ABCB10: variants seen among roughly 807,000 people sequenced by gnomAD.
The protein encoded by ABCB10 is ATP binding cassette subfamily B member 10, also known as ATP-binding cassette sub-family B member 10, mitochondrial.
ABCB10 carries 54 observed loss-of-function variants against 65.4 expected under a neutral mutation model. That is an observed-to-expected ratio of 0.83 (90% CI 0.66 to 1.04). The LOEUF (loss-of-function observed/expected upper bound fraction) is 1.04. ABCB10 is among the 50% of genes least tolerant of loss of function. The probability of loss-of-function intolerance (pLI) is 0.00; values close to 1 mark genes in which losing one functional copy is unlikely to be tolerated. For synonymous variants in ABCB10, 418 were observed against 406.5 expected (o/e 1.03, Z -0.34); for missense variants, 846 against 976.6 (o/e 0.87, Z 1.78).
At chr1:229,519,111 C>T in intron 11 of ABCB10, 1 of 368,612 alleles carries the variant, frequency 2.7e-6, no homozygotes. Flanking sequence ...GGGTTCAATG[C>T]AGGAAATAAG....
chr1:229,551,631 T>C (rs1320180641), intron 1 of ABCB10, among the ~76,000 whole-genome samples: 2 of 152,186 alleles, frequency 1.3e-5, no homozygotes, highest in Non-Finnish European at 2.9e-5. Context: ...AACTGAATAA[T>C]AGGAAGCTGG....
intron 12 of ABCB10, 106 bp downstream of exon 12, chr1:229,518,735 A>T: frequency 9.6e-7 from 1 of 1,040,740 alleles, no homozygotes; most frequent in South Asian, 1.6e-5. Flanking sequence ...GGGGGGAAAA[A>T]GGATTTTCAG....
In ABCB10 at chr1:229,518,334, T is replaced by A. The variant is rs749669414; in HGVS notation, c.2062A>T (p.Ile688Phe). The change falls in exon 13 of 13, where the codon ATT becomes TTT. Residue 688 changes from isoleucine to phenylalanine, a missense_variant. Around this residue, in one of 2 missense-constraint regions of ABCB10, gnomAD observed 632 missense variants for 803.2 expected, o/e 0.79. Coordinates refer to ENST00000344517, the MANE Select transcript of ABCB10 (RefSeq NM_012089.3). ...RLMDGRTVLV[I>F]AHRLSTIKNA... ...TTAATGGTGGACAGACGATGGGCAATAACTAACACCGTTCTTCCATCCATC... is the reference window on the plus strand; with the variant it reads ...TTAATGGTGGACAGACGATGGGCAAAAACTAACACCGTTCTTCCATCCATC... 1.2e-6 allele frequency: 2 copies of A among 1,614,194 alleles called. No homozygotes were observed. The highest frequency in any genetic ancestry group is 3.3e-5 in the Admixed American group (2 of 60,012).
intron 3 of ABCB10, 27 bp downstream of exon 3, chr1:229,547,472 G>C (rs745405155): frequency 6.2e-7 from 1 of 1,611,116 alleles, no homozygotes; most frequent in Non-Finnish European, 8.5e-7. Flanking sequence ...TGGCAGGAAG[G>C]TACCAAGGGG....
At chr1:229,548,606 G>A (rs778266443) in intron 2 of ABCB10, among the ~76,000 whole-genome samples, 8 of 151,954 alleles carry the variant, frequency 5.3e-5, no homozygotes, top group Non-Finnish European at 4.4e-5. Context: ...GGTTTCTGAA[G>A]CCTTCAGGAA....
rs60323914 is a variant in ABCB10 at position 229,550,525 on chromosome 1, C to CAA, written c.518-1093_518-1092dup. 8.6e-3 allele frequency among the ~76,000 whole-genome samples: 542 copies of CAA among 63,170 alleles called. 5 individuals carry two copies. Among genetic ancestry groups the CAA allele is most frequent in the East Asian group, 0.067 (156 of 2,312 alleles). 41.4% of individuals were successfully genotyped at this position (63,170 alleles called of 152,430 possible). The stretch of plus-strand genomic sequence containing the variant: ...GGGTGACACAGCAATATGCTGTCTC[C>CAA]AAAAAAAAAAAAAAAAAAAAAAATT... On this transcript the variant is annotated intron_variant, in intron 1 of 12. Transcript: ENST00000344517.
In ABCB10 at chr1:229,539,496, G is replaced by T; in HGVS notation, c.1299C>A (p.Ser433=). Residue 433 remains serine (S), a synonymous_variant, in exon 6 of 13, where the codon TCC becomes TCA. Transcript: ENST00000344517. ...SAHMTVGELS[S]FLMYAFWVGI... The stretch of plus-strand genomic sequence containing the variant: ...CAACCCAGAAAGCATACATTAGGAA[G>T]GAAGAGAGTTCACCCACGGTCATGT... The T allele has an allele frequency of 6.2e-7, 1 of 1,613,988 alleles. No homozygotes were observed. The highest frequency in any genetic ancestry group is 8.5e-7 in the Non-Finnish European group (1 of 1,179,888).
chr1:229,542,519 G>T, intron 3 of ABCB10, 148 bp from the exon 4 acceptor site: 2 of 963,448 alleles, frequency 2.1e-6, no homozygotes, highest in Non-Finnish European at 3.0e-6. Flanking sequence ...CTGTCCCCAA[G>T]TTGTTACATC....
intron 6 of ABCB10, among the ~76,000 whole-genome samples, chr1:229,532,918 C>T (rs1662618495): frequency 6.6e-6 from 1 of 152,182 alleles, no homozygotes; most frequent in Non-Finnish European, 1.5e-5. Context: ...AAAACTTTCA[C>T]AGTAGTAAAA....
chr1:229,530,509 C>T, intron 7 of ABCB10, 101 bp from the exon 8 acceptor site: 1 of 1,223,982 alleles, frequency 8.2e-7, no homozygotes, highest in South Asian at 1.3e-5. Context: ...GGTGACTCCA[C>T]CACAGCTAAT....
intron 11 of ABCB10, 98 bp from the exon 12 acceptor site, chr1:229,518,973 A>G (rs892969449): frequency 1.3e-5 from 13 of 963,212 alleles, no homozygotes; most frequent in Middle Eastern, 3.3e-4. Flanking sequence ...ACATGCTACA[A>G]TGTGGATGAG....
chr1:229,554,246 A>G (rs1395431766), intron 1 of ABCB10, among the ~76,000 whole-genome samples: 1 of 152,162 alleles, frequency 6.6e-6, no homozygotes, highest in East Asian at 1.9e-4. Context: ...GAGTGAGGAC[A>G]TGAGCGGCTG....
chr1:229,529,318 A>AAAAAAAG (rs1558121080), intron 8 of ABCB10, among the ~76,000 whole-genome samples: 4 of 141,096 alleles, frequency 2.8e-5, no homozygotes, highest in Non-Finnish European at 6.2e-5. Flanking sequence ...AAAAAAAAAA[A>AAAAAAAG]AAAAAAAAAA....
Position 229,531,707 on chromosome 1 carries a change from A to C in ABCB10, c.1364T>G (p.Leu455Arg). The change falls in exon 7 of 13, where the codon CTG becomes CGG. Residue 455 changes from leucine to arginine, a missense_variant. Leu to Arg is a moderately radical substitution (Grantham distance 102). This residue lies in a region of ABCB10 where 632 missense variants were observed against 803.2 expected (regional missense o/e 0.79). Transcript: ENST00000344517. ...CCCCCCTGCACCCAGTCCTTTCATC[A>C]GCTCCGAGTAGAAAGAGCTCAGACC... ...IGGLSSFYSE[L>R]MKGLGAGGRL... 6.2e-7 allele frequency: 1 copy of C among 1,613,932 alleles called. No homozygotes were observed. The highest frequency in any genetic ancestry group is 8.5e-7 in the Non-Finnish European group (1 of 1,179,852).
At position 229,540,588 on chromosome 1, in the gene ABCB10, C is replaced by A. The variant is rs778450596; in HGVS notation, c.1203+18G>T. ...CTAACATTTGCCAATTTTACTTTTTCCAAAGTGATCTACTTACTGCTCCAA... is the reference window on the plus strand; with the variant it reads ...CTAACATTTGCCAATTTTACTTTTTACAAAGTGATCTACTTACTGCTCCAA... On this transcript the variant is annotated intron_variant, in intron 5 of 12. Coordinates refer to ENST00000344517, the MANE Select transcript of ABCB10 (RefSeq NM_012089.3). 4.4e-6 allele frequency: 7 copies of A among 1,597,600 alleles called. No homozygotes were observed. The South Asian group carries it at 7.9e-5, about 18-fold the overall frequency.
At position 229,518,234 on chromosome 1, in the gene ABCB10, T is replaced by G. The variant is rs1220412403; in HGVS notation, c.2162A>C (p.Lys721Thr). The change falls in exon 13 of 13, where the codon AAA becomes ACA. Residue 721 changes from lysine to threonine, a missense_variant. Lys to Thr is a moderately conservative substitution (Grantham distance 78). Coordinates refer to ENST00000344517, the MANE Select transcript of ABCB10 (RefSeq NM_012089.3). ...EYGKHEELLSKPNGIYRKLMN... is the reference protein window; with the variant it reads ...EYGKHEELLSTPNGIYRKLMN... ...TAGTTTTCTGTATATCCCATTTGGT[T>G]TTGAAAGCAGCTCTTCATGTTTTCC... The G allele has an allele frequency of 6.2e-7, 1 of 1,614,194 alleles. No individual in the cohort carries two copies. The highest frequency in any genetic ancestry group is 1.7e-5 in the Admixed American group (1 of 60,022).
At chr1:229,548,209 G>A (rs980499916) in intron 2 of ABCB10, among the ~76,000 whole-genome samples, 9 of 152,012 alleles carry the variant, frequency 5.9e-5, no homozygotes, top group African/African-American at 2.2e-4. Context: ...TTGCTATGTA[G>A]CTCAGGCTGG....
chr1:229,558,391 GC>G lies in ABCB10; in HGVS notation c.261del (p.Arg88GlyfsTer124). 1.6e-6 allele frequency: 2 copies of G among 1,237,502 alleles called. No homozygotes were observed. The highest frequency in any genetic ancestry group is 4.3e-5 in the East Asian group (1 of 23,130). The allele number at this position is 1,237,502 out of a possible 1,614,324, so 76.7% of individuals were successfully genotyped here. ...CCGCGAGCCCACAGCCCCAGGAGCC[GC>G]GCGAGGCCCAGGACGCCCCGCGAGG... Reference protein sequence around the residue: ...PGASRGVLGLARLLGLWARGP... With the variant: ...PGASRGVLGLXRLLGLWARGP... On this transcript the variant is annotated frameshift_variant, in exon 1 of 13. Coordinates refer to ENST00000344517, the MANE Select transcript of ABCB10 (RefSeq NM_012089.3). LOFTEE classifies it high-confidence loss of function.
chr1:229,523,009 C>T (rs985675621), intron 10 of ABCB10, among the ~76,000 whole-genome samples: 8 of 152,200 alleles, frequency 5.3e-5, no homozygotes, highest in Non-Finnish European at 7.3e-5. Flanking sequence ...CCACCATGCC[C>T]GGCTAACATA....
Sources: allele counts gnomAD v4.1 joint callset (sites outside exome capture counted in the v4.1 genomes callset), GRCh38; gene constraint gnomAD v4.1.1; regional missense constraint gnomAD v4.1.1; transcripts MANE v1.5; gene names NCBI Gene and HGNC (gene_info 2026-07-23, HGNC 2026-07-21).